Variants in PCSK5 observed in about 807,000 individuals in gnomAD.
PCSK5 encodes prohormone convertase 5.
A neutral mutation model predicts 233.2 loss-of-function variants in PCSK5; 129 were observed. The observed-to-expected ratio is 0.55, with a 90% CI of 0.48 to 0.64. The LOEUF (loss-of-function observed/expected upper bound fraction) is 0.64. PCSK5 is among the 30% of genes least tolerant of loss of function. PCSK5 has a pLI of 0.00. For synonymous variants in PCSK5, 825 were observed against 879.2 expected, an observed-to-expected ratio of 0.94 and a Z score of 1.09; for missense variants, 2,076 against 2,430.1, an observed-to-expected ratio of 0.85 and a Z score of 3.06.
rs78141500 is a variant in PCSK5, at chr9:75,980,369, T to C, written c.298-5763T>C. Among the ~76,000 whole-genome samples the C allele has an allele frequency of 1.9e-3, 289 of 152,312 alleles. 1 individual carries two copies. The highest frequency in any genetic ancestry group is 6.7e-3 in the African/African-American group (280 of 41,572). ...TTTTCTTTGGTAACACTGTTCTGAATGTATATGCAGTGTTTATTTCACAAC... is the reference window on the plus strand; with the variant it reads ...TTTTCTTTGGTAACACTGTTCTGAACGTATATGCAGTGTTTATTTCACAAC... On this transcript the variant is annotated intron_variant, in intron 2 of 37. Transcript: ENST00000674117.
chr9:75,953,663 T>TGTGG (rs1336306229), intron 2 of PCSK5, among the ~76,000 whole-genome samples: 1 of 152,042 alleles, frequency 6.6e-6, no homozygotes, highest in African/African-American at 2.4e-5. Flanking sequence ...TGTGTGTGTG[T>TGTGG]GTGTTTACAT....
chr9:75,966,685 T>C (rs1379156694), intron 2 of PCSK5, among the ~76,000 whole-genome samples: 3 of 152,216 alleles, frequency 2.0e-5, no homozygotes, highest in Non-Finnish European at 4.4e-5. Flanking sequence ...AGGGTGGTAG[T>C]GGAATTGGAA....
At chr9:76,042,559 G>A (rs1430397615) in intron 5 of PCSK5, among the ~76,000 whole-genome samples, 2 of 152,188 alleles carry the variant, frequency 1.3e-5, no homozygotes, top group South Asian at 2.1e-4. Context: ...GGGGGGCTGA[G>A]GTGGGAGAAT....
At position 76,360,409 on chromosome 9, in the gene PCSK5, T is replaced by C. The variant is rs1005639774; in HGVS notation, c.*1487T>C. ...CTCAACAAAATTCAAGAAAAAAGAA[T>C]GATCACCCTAAAGCGTGTGTTCTTA... On this transcript the variant is annotated 3_prime_UTR_variant, in exon 38 of 38. Transcript: ENST00000674117. 8.5e-5 allele frequency: 13 copies of C among 152,300 alleles called. 1 individual carries two copies. The East Asian group carries it at 2.3e-3, about 27-fold the overall frequency. The allele number at this position is 152,300 out of a possible 1,614,324, so 9.4% of individuals were successfully genotyped here.
chr9:76,102,477 G>A (rs1444027745), intron 8 of PCSK5, among the ~76,000 whole-genome samples: 2 of 152,168 alleles, frequency 1.3e-5, no homozygotes, highest in African/African-American at 4.8e-5. Flanking sequence ...TTCAAAATCT[G>A]TAGCATTCCA....
intron 14 of PCSK5, among the ~76,000 whole-genome samples, chr9:76,179,018 T>A (rs960774329): frequency 6.6e-6 from 1 of 152,198 alleles, no homozygotes; most frequent in African/African-American, 2.4e-5. Context: ...TTTTGTTGAA[T>A]TGCCCATTGG....
chr9:75,897,489 C>CTT (rs58504698), intron 1 of PCSK5, among the ~76,000 whole-genome samples: 52,562 of 119,408 alleles, frequency 0.44, 12,438 homozygotes, highest in African/African-American at 0.6. Flanking sequence ...TCTTTCTTTT[C>CTT]TTTTTTTTTT....
rs751166946 is a variant in PCSK5, at chr9:76,321,641, T to C, written c.4102+2T>C. The C allele has an allele frequency of 3.1e-6, 5 of 1,600,222 alleles. No individual in the cohort carries two copies. The highest frequency in any genetic ancestry group is 4.3e-6 in the Non-Finnish European group (5 of 1,169,208). ...GCATCCATGAGAAAACATGCAAAGGTACCTAGGAGCTTCCCACAGGAGAGC... is the reference window on the plus strand; with the variant it reads ...GCATCCATGAGAAAACATGCAAAGGCACCTAGGAGCTTCCCACAGGAGAGC... On this transcript the variant is annotated splice_donor_variant, in intron 31 of 37. Coordinates refer to ENST00000674117, the MANE Select transcript of PCSK5 (RefSeq NM_001372043.1). LOFTEE classifies it high-confidence loss of function.
At chr9:76,258,176 A>G (rs1324657898) in intron 24 of PCSK5, among the ~76,000 whole-genome samples, 1 of 152,094 alleles carries the variant, frequency 6.6e-6, no homozygotes, top group Non-Finnish European at 1.5e-5. Flanking sequence ...TAGAATAGAA[A>G]AGTTTATCAG....
At chr9:76,027,476 G>A (rs1314340854) in intron 5 of PCSK5, among the ~76,000 whole-genome samples, 1 of 152,136 alleles carries the variant, frequency 6.6e-6, no homozygotes, top group Admixed American at 6.5e-5. Flanking sequence ...TCTCTCCTCT[G>A]TAGTTATTGT....
intron 16 of PCSK5, among the ~76,000 whole-genome samples, chr9:76,183,865 A>G (rs1823981420): frequency 6.6e-6 from 1 of 152,362 alleles, no homozygotes; most frequent in East Asian, 1.9e-4. Context: ...ATATCAGAGC[A>G]GGTACCAAGA....
At chr9:75,944,250 G>T (rs1314112706) in intron 2 of PCSK5, among the ~76,000 whole-genome samples, 1 of 151,204 alleles carries the variant, frequency 6.6e-6, no homozygotes, top group East Asian at 1.9e-4. Flanking sequence ...TATATGAAGA[G>T]AGTAGAAGAT....
chr9:76,315,902 G>A (rs890129621), intron 30 of PCSK5, among the ~76,000 whole-genome samples: 3 of 142,616 alleles, frequency 2.1e-5, no homozygotes, highest in African/African-American at 7.6e-5. Context: ...AAAGTGCTAG[G>A]ATTACAGGCA....
In PCSK5 at chr9:76,358,790, G is replaced by T; in HGVS notation, c.5532G>T (p.Glu1844Asp). The change falls in exon 38 of 38, where the codon GAG (glutamate) becomes GAT (aspartate). Residue 1844 changes from glutamate to aspartate, a missense_variant. By Grantham distance (45) the Glu-to-Asp change is conservative. This residue lies in a region of PCSK5 where 1,510 missense variants were observed against 1,538.1 expected (regional missense o/e 0.98). Transcript: ENST00000674117. ...AGTACAGGGATCGGGACTATGATGAGGATGATGATGATGACATCGTCTACA... is the reference window on the plus strand; with the variant it reads ...AGTACAGGGATCGGGACTATGATGATGATGATGATGATGACATCGTCTACA... Reference protein sequence around the residue: ...VIEYRDRDYDEDDDDDIVYMG... With the variant: ...VIEYRDRDYDDDDDDDIVYMG... The T allele has an allele frequency of 1.9e-6, 3 of 1,612,878 alleles. No homozygotes were observed. Among genetic ancestry groups the T allele is most frequent in the Non-Finnish European group, 2.5e-6 (3 of 1,179,882 alleles).
intron 5 of PCSK5, among the ~76,000 whole-genome samples, chr9:76,052,912 T>C (rs1207860957): frequency 6.6e-6 from 1 of 152,174 alleles, no homozygotes; most frequent in Non-Finnish European, 1.5e-5. Context: ...CTGAAGGGGC[T>C]GTGGGTCCCA....
At chr9:75,966,398 A>C (rs1162433498) in intron 2 of PCSK5, among the ~76,000 whole-genome samples, 1 of 152,226 alleles carries the variant, frequency 6.6e-6, no homozygotes, top group African/African-American at 2.4e-5. Flanking sequence ...CATGGTTGTC[A>C]GCTGAAGTGT....
chr9:76,157,281 A>C, intron 11 of PCSK5, 119 bp downstream of exon 11: 2 of 682,188 alleles, frequency 2.9e-6, no homozygotes, highest in Non-Finnish European at 2.6e-6. Context: ...TTTCTCTCTA[A>C]TGTGACTATG....
chr9:76,195,238 G>T (rs566738904), intron 20 of PCSK5: 1 of 152,124 alleles, frequency 6.6e-6, no homozygotes, highest in African/African-American at 2.4e-5. Context: ...ACAGTCTTAC[G>T]TGGACAAATG....
At chr9:76,279,427 C>T (rs1444438770) in intron 24 of PCSK5, among the ~76,000 whole-genome samples, 1 of 150,964 alleles carries the variant, frequency 6.6e-6, no homozygotes, top group Non-Finnish European at 1.5e-5. Flanking sequence ...GGTATATACC[C>T]AGTAATGGGA....
Sources: allele counts gnomAD v4.1 joint callset (sites outside exome capture counted in the v4.1 genomes callset), GRCh38; gene constraint gnomAD v4.1.1; regional missense constraint gnomAD v4.1.1; transcripts MANE v1.5; gene names NCBI Gene and HGNC (gene_info 2026-07-23, HGNC 2026-07-21).